The following ACTN2 variants were observed in gnomAD, a reference collection of about 807,000 sequenced individuals.
ACTN2 encodes alpha-actinin-2.
ACTN2 carries 39 observed loss-of-function variants against 113.8 expected under a neutral mutation model. That is an observed-to-expected ratio of 0.34 (90% CI 0.27 to 0.45). The LOEUF is 0.45. Among genes scored for constraint, ACTN2 ranks in the 20% least tolerant of loss-of-function variants. The pLI is 1.00. For synonymous variants in ACTN2, 429 were observed against 444.1 expected (o/e 0.97, Z 0.43); for missense variants, 992 against 1,177.9 (o/e 0.84, Z 2.31).
chr1:236,692,731 G>A (rs775498781), intron 1 of ACTN2, among the ~76,000 whole-genome samples: 19 of 152,194 alleles, frequency 1.2e-4, no homozygotes, highest in South Asian at 4.1e-4. Context: ...GATGTGTCCC[G>A]GGGTTGCCCT....
Position 236,751,483 on chromosome 1 carries a change from C to A in ACTN2, c.1670C>A (p.Ala557Glu). Residue 557 changes from alanine (A) to glutamate (E), a missense_variant, in exon 15 of 21, where the codon GCG (alanine) becomes GAG (glutamate). Physicochemically the swap from Ala to Glu is moderately radical, Grantham distance 107. Around this residue, in one of 3 missense-constraint regions of ACTN2, gnomAD observed 736 missense variants for 815.4 expected, o/e 0.90. Coordinates refer to ENST00000366578, the MANE Select transcript of ACTN2 (RefSeq NM_001103.4). ...SIEEIQSLIT[A>E]HEQFKATLPE... ...TCTCGGGTGTAGAGTCTGATCACTG[C>A]GCATGAGCAGTTCAAGGCCACGCTG... 1.2e-6 allele frequency: 2 copies of A among 1,614,070 alleles called. No homozygotes were observed. Among genetic ancestry groups the A allele is most frequent in the Non-Finnish European group, 8.5e-7 (1 of 1,180,028 alleles).
At chr1:236,740,647 C>T (rs952801463) in intron 10 of ACTN2, among the ~76,000 whole-genome samples, 2 of 151,996 alleles carry the variant, frequency 1.3e-5, no homozygotes, top group African/African-American at 4.8e-5. Context: ...ATTCTCCTGC[C>T]TCAGCTTCCC....
chr1:236,696,224 T>A (rs1254006497), intron 1 of ACTN2, among the ~76,000 whole-genome samples: 1 of 151,384 alleles, frequency 6.6e-6, no homozygotes, highest in Non-Finnish European at 1.5e-5. Context: ...GGAGACTCAT[T>A]GGAATTGGAG....
At position 236,735,119 on chromosome 1, in the gene ACTN2, A is replaced by T. The variant is rs554504221; in HGVS notation, c.698-516A>T. Among the ~76,000 whole-genome samples, 3 of 152,360 alleles carry T rather than the reference A, an allele frequency of 2.0e-5. No homozygotes were observed. The South Asian group carries it at 6.2e-4, about 32-fold the overall frequency. On this transcript the variant is annotated intron_variant, in intron 7 of 20. Coordinates refer to ENST00000366578, the MANE Select transcript of ACTN2 (RefSeq NM_001103.4). ...AGAGCTGCCCTCTCCAGTGAATTTC[A>T]TCCTCACGCAAGGCACTTTACAGAG...
rs372796156 is a variant in ACTN2, at chr1:236,694,542, T to C, written c.126+7743T>C. 3.9e-5 allele frequency among the ~76,000 whole-genome samples: 6 copies of C among 152,234 alleles called. No individual in the cohort carries two copies. In the East Asian group the frequency reaches 1.2e-3, roughly 29 times the overall value. ...CTGGCCCGCACTGACATTTATTGAA[T>C]GAAGAAATTATGAATCATTTCTAAG... On this transcript the variant is annotated intron_variant, in intron 1 of 20. Coordinates refer to ENST00000366578, the MANE Select transcript of ACTN2 (RefSeq NM_001103.4).
intron 1 of ACTN2, among the ~76,000 whole-genome samples, chr1:236,709,763 A>G (rs1657971251): frequency 6.6e-6 from 1 of 152,046 alleles, no homozygotes; most frequent in Non-Finnish European, 1.5e-5. Flanking sequence ...AGGCCTGCTC[A>G]CCCCTGAGTT....
intron 1 of ACTN2, among the ~76,000 whole-genome samples, chr1:236,702,687 G>C (rs192809578): frequency 1.4e-4 from 22 of 152,326 alleles, no homozygotes; most frequent in African/African-American, 4.8e-4. Flanking sequence ...CTCCGGTGTG[G>C]AGTTGGCAGG....
At chr1:236,715,681 T>C (rs898238013) in intron 1 of ACTN2, among the ~76,000 whole-genome samples, 2 of 151,990 alleles carry the variant, frequency 1.3e-5, no homozygotes, top group Admixed American at 1.3e-4. Flanking sequence ...TAAGACCGAG[T>C]GTGGTGGCTC....
At chr1:236,688,507 A>G (rs190884872) in intron 1 of ACTN2, among the ~76,000 whole-genome samples, 283 of 152,234 alleles carry the variant, frequency 1.9e-3, no homozygotes, top group Non-Finnish European at 3.3e-3. Context: ...ATGGCTTCGA[A>G]TTCTTTTAGG....
chr1:236,754,171 C>T lies in ACTN2; in HGVS notation c.1974+90C>T. 6.4e-7 allele frequency: 1 copy of T among 1,550,868 alleles called. No individual in the cohort carries two copies. The highest frequency in any genetic ancestry group is 8.8e-7 in the Non-Finnish European group (1 of 1,137,242). ...AGTGACACCGCACATGCTGTGGTTT[C>T]CAGCCACCCACTCAGTCAGGTGGGA... On this transcript the variant is annotated intron_variant, in intron 16 of 20. Transcript: ENST00000366578. This position sits in a 1 kb window ranked among gnomAD's most constrained non-coding sequence, Gnocchi z 4.9.
chr1:236,751,373 C>T, intron 14 of ACTN2, 97 bp from the exon 15 acceptor site: 7 of 1,416,892 alleles, frequency 4.9e-6, no homozygotes, highest in Non-Finnish European at 6.8e-6. Flanking sequence ...CTCTTGCAAT[C>T]ATCAAGGCAT....
At chr1:236,688,942 G>A (rs909630101) in intron 1 of ACTN2, among the ~76,000 whole-genome samples, 2 of 152,170 alleles carry the variant, frequency 1.3e-5, no homozygotes, top group Non-Finnish European at 2.9e-5. Flanking sequence ...GGTAGCACAT[G>A]ATGACGTCCG....
chr1:236,719,338 C>T (rs1434445740), intron 3 of ACTN2, among the ~76,000 whole-genome samples: 3 of 152,216 alleles, frequency 2.0e-5, no homozygotes, highest in African/African-American at 7.2e-5. Context: ...CCTCTTTGTT[C>T]TCTATGGGAG....
At position 236,748,269 on chromosome 1, in the gene ACTN2, G is replaced by C. The variant is rs78340331; in HGVS notation, c.1515+494G>C. 1.6e-4 allele frequency: 26 copies of C among 163,020 alleles called. 1 individual carries two copies. The East Asian group carries it at 4.6e-3, about 29-fold the overall frequency. 10.1% of individuals were successfully genotyped at this position (163,020 alleles called of 1,614,324 possible). A position where few individuals can be genotyped will look rare whatever the true frequency, so the allele number is the denominator to read the frequency against. On this transcript the variant is annotated intron_variant, in intron 13 of 20. Coordinates refer to ENST00000366578, the MANE Select transcript of ACTN2 (RefSeq NM_001103.4). ...CTGCCCCTAATTGTCTTTAACCATG[G>C]AAGACATCTCCCACGTGAGAGAAAC...
In ACTN2 at chr1:236,727,742, T is replaced by C. The variant is rs1060503687; in HGVS notation, c.601T>C (p.Ser201Pro). 2 of 1,613,992 alleles carry C rather than the reference T, an allele frequency of 1.2e-6. No homozygotes were observed. Among genetic ancestry groups the C allele is most frequent in the Non-Finnish European group, 1.7e-6 (2 of 1,180,000 alleles). ...HRHRPDLIDY[S>P]KLNKDDPIGN... is the part of the protein sequence containing the mutation. ...ACACCGGCCTGACCTCATTGACTAC[T>C]CAAAGCTTAACAAGGTTATTCTGGG... The change falls in exon 6 of 21, where the codon TCA becomes CCA. Residue 201 changes from serine to proline, a missense_variant. Coordinates refer to ENST00000366578, the MANE Select transcript of ACTN2 (RefSeq NM_001103.4).
intron 4 of ACTN2, among the ~76,000 whole-genome samples, chr1:236,724,961 T>C (rs1245962007): frequency 6.6e-6 from 1 of 152,026 alleles, no homozygotes; most frequent in Non-Finnish European, 1.5e-5. Context: ...TGGTAGCATC[T>C]GTGAATTCCA....
Position 236,687,806 on chromosome 1 carries a change from C to T in ACTN2, c.126+1007C>T, listed in dbSNP as rs1025693235. Reference sequence around the variant, plus strand: ...GGGTATGATGGTGGAGAACACACATCCCAAACTCCTCTCGCAGCAAACAGC... The same window carrying T: ...GGGTATGATGGTGGAGAACACACATTCCAAACTCCTCTCGCAGCAAACAGC... On this transcript the variant is annotated intron_variant, in intron 1 of 20. Transcript: ENST00000366578. Among the ~76,000 whole-genome samples, 4 of 152,194 alleles carry T rather than the reference C, an allele frequency of 2.6e-5. No homozygotes were observed. The South Asian group carries it at 8.3e-4, about 31-fold the overall frequency.
At chr1:236,736,078 G>T (rs1285570556) in intron 8 of ACTN2, among the ~76,000 whole-genome samples, 1 of 152,202 alleles carries the variant, frequency 6.6e-6, no homozygotes, top group Non-Finnish European at 1.5e-5. Flanking sequence ...TTCCAACCCG[G>T]CCTTGTTCTC....
chr1:236,691,196 G>T (rs1666070738), intron 1 of ACTN2, among the ~76,000 whole-genome samples: 1 of 151,816 alleles, frequency 6.6e-6, no homozygotes. Context: ...GCCCACCTCG[G>T]CCTCCCAAAG....
Sources: gnomAD v4.1 joint callset for allele counts (sites outside exome capture counted in the v4.1 genomes callset) on GRCh38, gnomAD v4.1.1 for gene constraint, gnomAD v4.1.1 regional missense constraint, Gnocchi (gnomAD v3.1) non-coding constraint, MANE v1.5 for transcripts, NCBI Gene and HGNC (gene_info 2026-07-23, HGNC 2026-07-21) for gene names.